The following COL6A3 variants were observed in gnomAD, a reference collection of about 807,000 sequenced individuals.
The protein encoded by COL6A3 is collagen alpha-3(VI) chain.
In COL6A3, 137 loss-of-function variants were observed where a neutral mutation model predicts 274.1. The ratio of observed to expected loss-of-function variants is 0.50; its 90% CI spans 0.44 to 0.58. The LOEUF (loss-of-function observed/expected upper bound fraction) is 0.58, where lower values mean the gene tolerates loss of function less well. Ranked by LOEUF, COL6A3 falls within the 20% of genes least tolerant of loss-of-function variation. COL6A3 has a pLI of 0.00. For synonymous variants in COL6A3, 1,650 were observed against 1,650.6 expected (o/e 1.00, Z 0.01); for missense variants, 3,950 against 4,124.9 (o/e 0.96, Z 1.16).
Position 237,363,310 on chromosome 2 carries a change from A to C in COL6A3, c.6006T>G (p.Tyr2002Ter), listed in dbSNP as rs2077479817. Residue 2002 changes from tyrosine (Y) to a stop codon, truncating the protein, a stop_gained, in exon 14 of 44, where the codon TAT (tyrosine) becomes TAG (stop). Coordinates refer to ENST00000295550, the MANE Select transcript of COL6A3 (RefSeq NM_004369.4). LOFTEE classifies it high-confidence loss of function. ...GCAAGTTAAGCCTCAGGGGCCTGTC[A>C]TACATAAACCCTCGCCCAAACTCCA... Reference protein sequence around the residue: ...MHLEFGRGFMYDRPLRLNLLD... With the variant: ...MHLEFGRGFM The C allele has an allele frequency of 6.2e-7, 1 of 1,614,030 alleles. No individual in the cohort carries two copies. The highest frequency in any genetic ancestry group is 1.3e-5 in the African/African-American group (1 of 74,910).
intron 2 of COL6A3, among the ~76,000 whole-genome samples, chr2:237,395,577 A>G (rs1371470122): frequency 6.6e-6 from 1 of 152,226 alleles, no homozygotes; most frequent in Admixed American, 6.5e-5. Flanking sequence ...ACAGACAACC[A>G]ACCATCATTT....
intron 42 of COL6A3, among the ~76,000 whole-genome samples, chr2:237,331,334 T>C (rs1020054156): frequency 6.6e-6 from 1 of 151,738 alleles, no homozygotes; most frequent in African/African-American, 2.4e-5. Context: ...CATTAAAAAA[T>C]TTTCCCCCCA....
At chr2:237,390,178 C>G (rs2078250916) in intron 3 of COL6A3, among the ~76,000 whole-genome samples, 1 of 152,154 alleles carries the variant, frequency 6.6e-6, no homozygotes, top group East Asian at 1.9e-4. Flanking sequence ...TAAAAATGAT[C>G]CCTAAGTCGC....
chr2:237,347,715 A>G (rs1226585283), intron 31 of COL6A3, 92 bp downstream of exon 31: 1 of 1,299,306 alleles, frequency 7.7e-7, no homozygotes, highest in East Asian at 2.5e-5. Context: ...CCAGGGTGCA[A>G]GTGAAGGATA....
rs112741977 is a variant in COL6A3, at chr2:237,346,628, T to C, written c.7030-63A>G. The C allele has an allele frequency of 2.4e-4, 359 of 1,465,340 alleles. 2 individuals carry two copies. The African/African-American group carries it at 4.5e-3, about 19-fold the overall frequency. 90.8% of individuals were successfully genotyped at this position (1,465,340 alleles called of 1,614,324 possible). On this transcript the variant is annotated intron_variant, in intron 31 of 43. Transcript: ENST00000295550. ...GAAAGTGGAGAATTTAAGGCTCCTATAGTTGGAAGGTACGGTAAAAGTGAT... is the reference window on the plus strand; with the variant it reads ...GAAAGTGGAGAATTTAAGGCTCCTACAGTTGGAAGGTACGGTAAAAGTGAT...
chr2:237,328,884 C>G (rs1700085453), intron 42 of COL6A3: 1 of 152,116 alleles, frequency 6.6e-6, no homozygotes, highest in African/African-American at 2.4e-5. Context: ...GTCCCCAAAA[C>G]AAGAAAATTC....
At chr2:237,325,929 T>C (rs1034778089) in intron 42 of COL6A3, 14 of 505,858 alleles carry the variant, frequency 2.8e-5, no homozygotes, top group Admixed American at 7.1e-5. Flanking sequence ...TTGTGAGAGA[T>C]AGATGAAATT....
intron 1 of COL6A3, 79 bp from the exon 2 acceptor site, chr2:237,396,926 C>A: frequency 1.0e-6 from 1 of 994,118 alleles, no homozygotes; most frequent in Non-Finnish European, 1.6e-6. Flanking sequence ...CCCATGCTTT[C>A]TACGTCCTTT....
At chr2:237,391,978 G>C (rs2078300573) in intron 3 of COL6A3, among the ~76,000 whole-genome samples, 2 of 152,228 alleles carry the variant, frequency 1.3e-5, no homozygotes, top group African/African-American at 4.8e-5. Flanking sequence ...GGTGCTCTTG[G>C]AGACACCCAG....
chr2:237,409,136 T>C (rs1294566824), intron 1 of COL6A3, among the ~76,000 whole-genome samples: 1 of 152,188 alleles, frequency 6.6e-6, no homozygotes, highest in Non-Finnish European at 1.5e-5. Context: ...TCTTTCTTCA[T>C]CTGAAGCATA....
rs138109666 is a variant in COL6A3 at position 237,325,709 on chromosome 2, G to A, written c.9344C>T (p.Pro3115Leu). 4.9e-5 allele frequency: 79 copies of A among 1,613,476 alleles called. No individual in the cohort carries two copies. The African/African-American group carries it at 5.2e-4, about 11-fold the overall frequency. The change falls in exon 43 of 44, where the codon CCG becomes CTG. Residue 3115 changes from proline (P) to leucine (L), a missense_variant. Pro to Leu is a moderately conservative substitution (Grantham distance 98). Around this residue, in one of 5 missense-constraint regions of COL6A3, gnomAD observed 1,284 missense variants for 1,349.7 expected, o/e 0.95. Transcript: ENST00000295550. ...ALTETDICKL[P>L]KDEGTCRDFI... ...ATCCCTGCAAGTTCCTTCGTCTTTC[G>A]GCAACTTGCATATATCTTTAATAAA... is the stretch of plus-strand genomic sequence containing the variant.
chr2:237,336,200 G>C lies in COL6A3; in HGVS notation c.8900C>G (p.Pro2967Arg), dbSNP rs1469278470. Residue 2967 changes from proline (P) to arginine (R), a missense_variant, in exon 40 of 44, where the codon CCT (proline) becomes CGT (arginine). By Grantham distance (103) the Pro-to-Arg change is moderately radical. Coordinates refer to ENST00000295550, the MANE Select transcript of COL6A3 (RefSeq NM_004369.4). ...GGCTGCCTGTGGCCTAGGGACCTCA[G>C]GCTTGGTCGCCACTGGTTTTGCAGC... is the stretch of plus-strand genomic sequence containing the variant. Reference protein sequence around the residue: ...AAAAKPVATKPEVPRPQAAKP... With the variant: ...AAAAKPVATKREVPRPQAAKP... 1 of 1,613,906 alleles carries C rather than the reference G, an allele frequency of 6.2e-7. No individual in the cohort carries two copies.
At chr2:237,393,516 A>T (rs2078344780) in intron 3 of COL6A3, among the ~76,000 whole-genome samples, 1 of 152,098 alleles carries the variant, frequency 6.6e-6, no homozygotes, top group South Asian at 2.1e-4. Flanking sequence ...CCTCCATCTC[A>T]GAGAACATGT....
chr2:237,396,929 C>A (rs571472262), intron 1 of COL6A3, 82 bp from the exon 2 acceptor site: 2 of 976,732 alleles, frequency 2.0e-6, no homozygotes, highest in Non-Finnish European at 3.2e-6. Context: ...ATGCTTTCTA[C>A]GTCCTTTTTA....
intron 5 of COL6A3, 54 bp from the exon 6 acceptor site, chr2:237,379,289 AT>A: frequency 6.2e-7 from 1 of 1,611,292 alleles, no homozygotes; most frequent in East Asian, 2.2e-5. Flanking sequence ...GGAGAGTTTT[AT>A]CATGTGTGCC....
rs1223820832 is a variant in COL6A3 at position 237,368,882 on chromosome 2, G to A, written c.4581C>T (p.Leu1527=). ...TGCGACTCCCCGCAGACTTAACAAA[G>A]AGGTTTCTTGCCACAAATTCGAGAG... The part of the protein sequence containing the change: ...GKALEFVARN[L]FVKSAGSRIE... Residue 1527 remains leucine (L), a synonymous_variant, in exon 10 of 44, where the codon CTC becomes CTT. Transcript: ENST00000295550. This position sits in a 1 kb window ranked among gnomAD's most constrained non-coding sequence, Gnocchi z 4.4. 1.9e-6 allele frequency: 3 copies of A among 1,614,260 alleles called. No individual in the cohort carries two copies. Among genetic ancestry groups the A allele is most frequent in the Non-Finnish European group, 2.5e-6 (3 of 1,180,048 alleles).
At chr2:237,337,173 T>C (rs2058131303) in intron 39 of COL6A3, among the ~76,000 whole-genome samples, 1 of 152,142 alleles carries the variant, frequency 6.6e-6, no homozygotes, top group Non-Finnish European at 1.5e-5. Flanking sequence ...GAAGAAAATA[T>C]ATTATTTTAT....
intron 4 of COL6A3, among the ~76,000 whole-genome samples, chr2:237,386,783 A>G (rs2078153550): frequency 6.6e-6 from 1 of 152,192 alleles, no homozygotes; most frequent in Admixed American, 6.5e-5. Context: ...AATGAAATTG[A>G]TAGGTCTGAA....
At position 237,365,763 on chromosome 2, in the gene COL6A3, G is replaced by A. The variant is rs1184708223; in HGVS notation, c.5773C>T (p.Leu1925Phe). 1.9e-6 allele frequency: 3 copies of A among 1,614,106 alleles called. No homozygotes were observed. The African/African-American group carries it at 4.0e-5, about 22-fold the overall frequency. The change falls in exon 12 of 44, where the codon CTC (leucine) becomes TTC (phenylalanine). Residue 1925 changes from leucine (L) to phenylalanine (F), a missense_variant. Physicochemically the swap from Leu to Phe is conservative, Grantham distance 22. Around this residue, in one of 5 missense-constraint regions of COL6A3, gnomAD observed 632 missense variants for 623.4 expected, o/e 1.01. Coordinates refer to ENST00000295550, the MANE Select transcript of COL6A3 (RefSeq NM_004369.4). The part of the protein sequence containing the change: ...RNMRSQHPYV[L>F]TEDTLKVYLN... ...TAGACCTTCAGGGTGTCCTCCGTGA[G>A]GACGTAGGGGTGCTGGCTGCGCATG...
Sources: gnomAD v4.1 joint callset for allele counts (sites outside exome capture counted in the v4.1 genomes callset) on GRCh38, gnomAD v4.1.1 for gene constraint, gnomAD v4.1.1 regional missense constraint, Gnocchi (gnomAD v3.1) non-coding constraint, MANE v1.5 for transcripts, NCBI Gene and HGNC (gene_info 2026-07-23, HGNC 2026-07-21) for gene names.